Variants in YPEL1 observed in about 807,000 individuals in gnomAD.
The protein encoded by YPEL1 is protein yippee-like 1.
A neutral mutation model predicts 17.3 loss-of-function variants in YPEL1; 7 were observed. The ratio of observed to expected loss-of-function variants is 0.40; its 90% CI spans 0.23 to 0.76. YPEL1 has a LOEUF of 0.76. YPEL1 is among the 30% of genes least tolerant of loss of function. The pLI is 0.35. For synonymous variants in YPEL1, 59 were observed against 59.6 expected, an observed-to-expected ratio of 0.99 and a Z score of 0.05; for missense variants, 91 against 155.5, an observed-to-expected ratio of 0.59 and a Z score of 2.21.
chr22:21,730,721 G>A (rs1370826692), intron 1 of YPEL1, among the ~76,000 whole-genome samples: 1 of 152,192 alleles, frequency 6.6e-6, no homozygotes, highest in African/African-American at 2.4e-5. Flanking sequence ...CTGCAGCCTA[G>A]GTGCACAATG....
intron 2 of YPEL1, among the ~76,000 whole-genome samples, chr22:21,709,990 C>A (rs1225796341): frequency 6.6e-6 from 1 of 152,138 alleles, no homozygotes; most frequent in Admixed American, 6.6e-5. Context: ...CACTGTCATT[C>A]CGACTGAGCA....
intron 1 of YPEL1, among the ~76,000 whole-genome samples, chr22:21,714,036 ACCCCCCACCG>A (rs1409176498): frequency 2.0e-5 from 3 of 150,722 alleles, no homozygotes; most frequent in South Asian, 2.1e-4. Context: ...CCTGAGATGC[ACCCCCCACCG>A]CCCCCCACCC....
intron 2 of YPEL1, among the ~76,000 whole-genome samples, chr22:21,704,320 G>T (rs1488350112): frequency 2.0e-5 from 3 of 152,172 alleles, no homozygotes; most frequent in African/African-American, 7.2e-5. Flanking sequence ...AGATATTAGG[G>T]GGTAGGGGGA....
intron 1 of YPEL1, among the ~76,000 whole-genome samples, chr22:21,722,150 G>A (rs983958023): frequency 1.3e-5 from 2 of 152,210 alleles, no homozygotes; most frequent in African/African-American, 4.8e-5. Context: ...CCAGCGCGGT[G>A]GCTCATGCTT....
chr22:21,706,353 G>C (rs575533609), intron 2 of YPEL1, among the ~76,000 whole-genome samples: 53 of 144,682 alleles, frequency 3.7e-4, no homozygotes, highest in Admixed American at 1.9e-3. Flanking sequence ...TGCTTGAACC[G>C]GGACCCGGGA....
intron 1 of YPEL1, among the ~76,000 whole-genome samples, chr22:21,727,146 T>G (rs528269947): frequency 1.3e-3 from 197 of 152,310 alleles, no homozygotes; most frequent in African/African-American, 4.6e-3. Context: ...GTCTGGTCAC[T>G]GCACAGATGC....
At chr22:21,731,108 T>G (rs998745520) in intron 1 of YPEL1, among the ~76,000 whole-genome samples, 3 of 152,122 alleles carry the variant, frequency 2.0e-5, no homozygotes, top group Admixed American at 2.0e-4. Context: ...CTGTGCATGG[T>G]GACTCATGCC....
chr22:21,720,064 G>A (rs1042117156), intron 1 of YPEL1, among the ~76,000 whole-genome samples: 3 of 148,330 alleles, frequency 2.0e-5, no homozygotes, highest in African/African-American at 7.4e-5. Context: ...TGTAATCCCA[G>A]CTACTTGGGA....
chr22:21,708,109 G>C (rs1834636972), intron 2 of YPEL1, among the ~76,000 whole-genome samples: 1 of 151,976 alleles, frequency 6.6e-6, no homozygotes, highest in Non-Finnish European at 1.5e-5. Context: ...CTGCGTGGCA[G>C]GTGTTCTCGA....
At chr22:21,717,883 T>C (rs1232800134) in intron 1 of YPEL1, among the ~76,000 whole-genome samples, 2 of 152,126 alleles carry the variant, frequency 1.3e-5, no homozygotes, top group Non-Finnish European at 2.9e-5. Context: ...TCCCAGCACT[T>C]TGGGAGGCCA....
At chr22:21,702,228 C>T (rs150714294) in intron 4 of YPEL1, among the ~76,000 whole-genome samples, 1,670 of 152,244 alleles carry the variant, frequency 0.011, 17 homozygotes, top group South Asian at 0.037. Flanking sequence ...CAGCAGGAAG[C>T]GGGTGCAGCC....
rs2068002171 is a variant in YPEL1, at chr22:21,697,940, C to CCAT, written c.*3186_*3188dup. On this transcript the variant is annotated 3_prime_UTR_variant, in exon 5 of 5. Transcript: ENST00000339468. ...TTTCAATTCTAATATCTGACAGATG[C>CCAT]CATCAAGAATAAGCATTAAGGTATA... 6.6e-6 allele frequency: 1 copy of CCAT among 152,152 alleles called. No individual in the cohort carries two copies. The highest frequency in any genetic ancestry group is 2.1e-4 in the South Asian group (1 of 4,820). The allele number at this position is 152,152 out of a possible 1,614,324, so 9.4% of individuals were successfully genotyped here. A position where few individuals can be genotyped will look rare whatever the true frequency, so the allele number is the denominator to read the frequency against.
Position 21,697,982 on chromosome 22 carries a change from T to TA in YPEL1, c.*3146dup, listed in dbSNP as rs551155683. ...TAAGGTATAAAAAATACTGTGTGTA[T>TA]AAAACAATGCCAAACCACATTCCTA... On this transcript the variant is annotated 3_prime_UTR_variant, in exon 5 of 5. Transcript: ENST00000339468. 3.3e-5 allele frequency: 5 copies of TA among 152,314 alleles called. No individual in the cohort carries two copies. Among genetic ancestry groups the TA allele is most frequent in the African/African-American group, 1.2e-4 (5 of 41,440 alleles). 9.4% of individuals were successfully genotyped at this position (152,314 alleles called of 1,614,324 possible).
At chr22:21,713,445 G>A (rs1013917542) in intron 1 of YPEL1, among the ~76,000 whole-genome samples, 7 of 152,154 alleles carry the variant, frequency 4.6e-5, no homozygotes, top group Non-Finnish European at 1.0e-4. Flanking sequence ...TTAACAGGAG[G>A]GGGCTCCTGT....
chr22:21,717,382 A>C (rs2068237678), intron 1 of YPEL1, among the ~76,000 whole-genome samples: 2 of 151,770 alleles, frequency 1.3e-5, no homozygotes, highest in Admixed American at 1.3e-4. Context: ...GTCTCAAAAA[A>C]AAAAAAAAAA....
In YPEL1 at chr22:21,699,255, C is replaced by G. The variant is rs946970734; in HGVS notation, c.*1874G>C. 2 of 152,412 alleles carry G rather than the reference C, an allele frequency of 1.3e-5. No individual in the cohort carries two copies. The highest frequency in any genetic ancestry group is 1.3e-4 in the Admixed American group (2 of 15,288). The allele number at this position is 152,412 out of a possible 1,614,324, so 9.4% of individuals were successfully genotyped here. A position where few individuals can be genotyped will look rare whatever the true frequency, so the allele number is the denominator to read the frequency against. ...GCTCGCACTCTTGCCCCTAGACTAG[C>G]CTTGTCTGAAGGCAGCTTCAGAGCC... On this transcript the variant is annotated 3_prime_UTR_variant, in exon 5 of 5. Transcript: ENST00000339468.
intron 1 of YPEL1, among the ~76,000 whole-genome samples, chr22:21,716,184 C>A (rs1159856411): frequency 6.6e-6 from 1 of 152,184 alleles, no homozygotes; most frequent in Non-Finnish European, 1.5e-5. Flanking sequence ...GCTGGGATTA[C>A]AGGAGTGAGC....
intron 1 of YPEL1, among the ~76,000 whole-genome samples, chr22:21,721,484 C>A (rs1026575172): frequency 6.7e-6 from 1 of 150,266 alleles, no homozygotes; most frequent in African/African-American, 2.5e-5. Context: ...AGTACAGTGG[C>A]GTGATCTTGG....
In YPEL1 at chr22:21,710,722, T is replaced by G; in HGVS notation, c.23A>C (p.Lys8Thr). The change falls in exon 2 of 5, where the codon AAA (lysine) becomes ACA (threonine). Residue 8 changes from lysine to threonine, a missense_variant. Physicochemically the swap from Lys to Thr is moderately conservative, Grantham distance 78. Transcript: ENST00000339468. ...GTTCGGCAGATACGCTTGGAAAGTT[T>G]TGGACTTTGTCATTTTCACCATCTC... Reference protein sequence around the residue: MVKMTKSKTFQAYLPNCH... With the variant: MVKMTKSTTFQAYLPNCH... The G allele has an allele frequency of 6.2e-7, 1 of 1,614,242 alleles. No homozygotes were observed. Among genetic ancestry groups the G allele is most frequent in the Non-Finnish European group, 8.5e-7 (1 of 1,180,032 alleles).
Sources: allele counts gnomAD v4.1 joint callset (sites outside exome capture counted in the v4.1 genomes callset), GRCh38; gene constraint gnomAD v4.1.1; transcripts MANE v1.5; gene names NCBI Gene and HGNC (gene_info 2026-07-23, HGNC 2026-07-21).